The following ISM1 variants were observed in gnomAD, a reference collection of about 807,000 sequenced individuals.
The protein encoded by ISM1 is isthmin 1.
In ISM1, 25 loss-of-function variants were observed where a neutral mutation model predicts 46.3. The observed-to-expected ratio is 0.54, with a 90% confidence interval of 0.39 to 0.75. The LOEUF (loss-of-function observed/expected upper bound fraction) is 0.75, where lower values mean the gene tolerates loss of function less well. Ranked by LOEUF, ISM1 falls within the 30% of genes least tolerant of loss-of-function variation. ISM1 has a pLI of 0.00. For missense variants in ISM1, 536 were observed against 625.4 expected, an observed-to-expected ratio of 0.86 and a Z score of 1.52; for synonymous variants, 255 against 256.7, an observed-to-expected ratio of 0.99 and a Z score of 0.06.
chr20:13,291,093 G>A (rs988598907), intron 4 of ISM1, among the ~76,000 whole-genome samples: 1 of 152,202 alleles, frequency 6.6e-6, no homozygotes, highest in Non-Finnish European at 1.5e-5. Context: ...ACTCAAGGTG[G>A]TAGATTTAAG....
chr20:13,274,672 C>CAA (rs2040157438), intron 2 of ISM1, among the ~76,000 whole-genome samples: 1 of 146,150 alleles, frequency 6.8e-6, no homozygotes, highest in African/African-American at 2.7e-5. Context: ...CACTCCCCGC[C>CAA]CCCCCCGCGC....
Position 13,298,650 on chromosome 20 carries a change from T to G in ISM1, c.878-292T>G, listed in dbSNP as rs773904508. ...TCATTGTATAAGAATATTCTCTACT[T>G]TTCTGTGTGTCTGAAAATTTCATAA... On this transcript the variant is annotated intron_variant, in intron 5 of 5. Coordinates refer to ENST00000262487, the MANE Select transcript of ISM1 (RefSeq NM_080826.2). Among the ~76,000 whole-genome samples, 4 of 152,292 alleles carry G rather than the reference T, an allele frequency of 2.6e-5. No individual in the cohort carries two copies. In the East Asian group the frequency reaches 5.8e-4, roughly 22 times the overall value.
intron 1 of ISM1, among the ~76,000 whole-genome samples, chr20:13,259,503 T>G (rs569639744): frequency 1.3e-5 from 2 of 152,264 alleles, no homozygotes; most frequent in Admixed American, 1.3e-4. Context: ...AAAAAGCACA[T>G]GTCAACTACT....
chr20:13,248,491 A>T (rs1266701254), intron 1 of ISM1, among the ~76,000 whole-genome samples: 1 of 152,286 alleles, frequency 6.6e-6, no homozygotes, highest in Admixed American at 6.5e-5. Flanking sequence ...GAGAATCTTG[A>T]GTGTAGCAAA....
intron 4 of ISM1, among the ~76,000 whole-genome samples, chr20:13,291,581 C>T (rs920082935): frequency 6.6e-6 from 1 of 152,128 alleles, no homozygotes; most frequent in Non-Finnish European, 1.5e-5. Context: ...TAGCTTGCAC[C>T]GGATTCCTGA....
rs115021186 is a variant in ISM1 at position 13,271,721 on chromosome 20, A to G, written c.378+978A>G. ...AAAGATGGTCCCCATGATGGTTGAG[A>G]GAGGCTCATCCCCCGGGCAACCCAG... On this transcript the variant is annotated intron_variant, in intron 2 of 5. Coordinates refer to ENST00000262487, the MANE Select transcript of ISM1 (RefSeq NM_080826.2). 2.8e-3 allele frequency among the ~76,000 whole-genome samples: 422 copies of G among 152,270 alleles called. 3 individuals are homozygous for G. The highest frequency in any genetic ancestry group is 9.6e-3 in the African/African-American group (397 of 41,558).
chr20:13,315,890 A>G, the ISM1 span, among the ~76,000 whole-genome samples: 1 of 152,056 alleles, frequency 6.6e-6, no homozygotes, highest in Non-Finnish European at 1.5e-5. Context: ...ATACTTCTAA[A>G]TAACACATGG....
At chr20:13,320,182 G>A in the ISM1 span, among the ~76,000 whole-genome samples, 3 of 152,224 alleles carry the variant, frequency 2.0e-5, no homozygotes, top group African/African-American at 7.2e-5. Context: ...ATGGGTCCTG[G>A]AAGAGCACAG....
the ISM1 span, among the ~76,000 whole-genome samples, chr20:13,309,273 C>T: frequency 6.6e-6 from 1 of 150,720 alleles, no homozygotes; most frequent in Admixed American, 6.6e-5. Context: ...TTAGAGGTAA[C>T]ATTTTATTTC....
At chr20:13,269,955 G>GGATGGATGGATA (rs1414390427) in intron 1 of ISM1, among the ~76,000 whole-genome samples, 1 of 151,966 alleles carries the variant, frequency 6.6e-6, no homozygotes, top group Non-Finnish European at 1.5e-5. Flanking sequence ...ATGGATGGAT[G>GGATGGATGGATA]GATGGATGGA....
intron 1 of ISM1, among the ~76,000 whole-genome samples, chr20:13,261,939 A>C (rs1363765312): frequency 6.6e-6 from 1 of 152,112 alleles, no homozygotes; most frequent in East Asian, 1.9e-4. Context: ...CCCTCATTCT[A>C]TGCAGGGAGA....
chr20:13,281,813 C>T (rs989841517), intron 3 of ISM1, among the ~76,000 whole-genome samples: 2 of 152,182 alleles, frequency 1.3e-5, no homozygotes, highest in Non-Finnish European at 2.9e-5. Flanking sequence ...CACCTGTTTG[C>T]CCAGCCCACA....
At chr20:13,246,774 A>G (rs1035627719) in intron 1 of ISM1, among the ~76,000 whole-genome samples, 3 of 152,136 alleles carry the variant, frequency 2.0e-5, no homozygotes, top group African/African-American at 7.2e-5. Context: ...CTCCATTCAT[A>G]CCTTTTCTTT....
At chr20:13,303,521 G>A (rs1192066015), downstream of ISM1, among the ~76,000 whole-genome samples, 2 of 152,134 alleles carry the variant, frequency 1.3e-5, no homozygotes, top group African/African-American at 4.8e-5. Flanking sequence ...AGAGCTCAGG[G>A]GCAACATAAC....
chr20:13,221,873 C>A lies in ISM1; in HGVS notation c.97C>A (p.Pro33Thr). 7.1e-7 allele frequency: 1 copy of A among 1,414,566 alleles called. No individual in the cohort carries two copies. Among genetic ancestry groups the A allele is most frequent in the Non-Finnish European group, 9.2e-7 (1 of 1,090,036 alleles). 87.6% of individuals were successfully genotyped at this position (1,414,566 alleles called of 1,614,324 possible). Reference sequence around the variant, plus strand: ...GCGCGGCTCGGGAGCCGCCGACGGGCCCGACGCGGCCGCGGGCAACGCCAG... The same window carrying A: ...GCGCGGCTCGGGAGCCGCCGACGGGACCGACGCGGCCGCGGGCAACGCCAG... ...VLRGSGAADGPDAAAGNASQA... is the reference protein window; with the variant it reads ...VLRGSGAADGTDAAAGNASQA... Residue 33 changes from proline to threonine, a missense_variant, in exon 1 of 6, where the codon CCC becomes ACC. Physicochemically the swap from Pro to Thr is conservative, Grantham distance 38. This residue lies in a region of ISM1 where 367 missense variants were observed against 376.1 expected (regional missense o/e 0.98). Transcript: ENST00000262487.
chr20:13,225,530 A>G (rs1187600276), intron 1 of ISM1, among the ~76,000 whole-genome samples: 1 of 151,942 alleles, frequency 6.6e-6, no homozygotes, highest in Non-Finnish European at 1.5e-5. Context: ...TACATTTTTG[A>G]CTCTTTGTAT....
At chr20:13,259,818 T>TG (rs2039968571) in intron 1 of ISM1, among the ~76,000 whole-genome samples, 1 of 152,252 alleles carries the variant, frequency 6.6e-6, no homozygotes, top group African/African-American at 2.4e-5. Flanking sequence ...TTAAATACTT[T>TG]GGGGCAGGCC....
chr20:13,300,437 A>G lies in ISM1; in HGVS notation c.*978A>G, dbSNP rs991710495. 2 of 152,104 alleles carry G rather than the reference A, an allele frequency of 1.3e-5. No individual in the cohort carries two copies. Among genetic ancestry groups the G allele is most frequent in the African/African-American group, 4.8e-5 (2 of 41,410 alleles). The allele number at this position is 152,104 out of a possible 1,614,324, so 9.4% of individuals were successfully genotyped here. On this transcript the variant is annotated 3_prime_UTR_variant, in exon 6 of 6. Coordinates refer to ENST00000262487, the MANE Select transcript of ISM1 (RefSeq NM_080826.2). ...AAAGGGGGGGAGGGTCAATCTGGGG[A>G]ATCTTAGTTTTTTATGTTTTAAGAA...
intron 5 of ISM1, among the ~76,000 whole-genome samples, chr20:13,293,231 C>A (rs1297892970): frequency 1.3e-5 from 2 of 149,226 alleles, no homozygotes; most frequent in Non-Finnish European, 3.0e-5. Flanking sequence ...AAAAAGAATT[C>A]TTCATAAACC....
Sources: allele counts gnomAD v4.1 joint callset (sites outside exome capture counted in the v4.1 genomes callset), GRCh38; gene constraint gnomAD v4.1.1; regional missense constraint gnomAD v4.1.1; transcripts MANE v1.5; gene names NCBI Gene and HGNC (gene_info 2026-07-23, HGNC 2026-07-21).